NSF: variants seen among roughly 807,000 people sequenced by gnomAD.
NSF encodes N-ethylmaleimide sensitive factor, vesicle fusing ATPase.
NSF carries 14 observed loss-of-function variants against 50.3 expected under a neutral mutation model. The ratio of observed to expected loss-of-function variants is 0.28; its 90% CI spans 0.18 to 0.44. The LOEUF is 0.44. NSF is among the 20% of genes least tolerant of loss of function. The probability of loss-of-function intolerance (pLI) is 1.00; values close to 1 mark genes in which losing one functional copy is unlikely to be tolerated. For synonymous variants in NSF, 109 were observed against 175.7 expected (o/e 0.62, Z 3.00); for missense variants, 218 against 504.3 (o/e 0.43, Z 5.44).
intron 15 of NSF, among the ~76,000 whole-genome samples, chr17:46,725,761 G>A (rs1012036557): frequency 1.2e-4 from 19 of 152,072 alleles, no homozygotes; most frequent in African/African-American, 4.3e-4. Flanking sequence ...CAGAGAGAGT[G>A]GGCTGGGATG....
At chr17:46,727,752 A>G (rs1362073972) in intron 16 of NSF, among the ~76,000 whole-genome samples, 2 of 152,146 alleles carry the variant, frequency 1.3e-5, no homozygotes, top group Non-Finnish European at 2.9e-5. Context: ...TCTTAACACA[A>G]TTGAGGTGTG....
intron 13 of NSF, among the ~76,000 whole-genome samples, chr17:46,708,491 C>CTT (rs140361958): frequency 6.4e-4 from 80 of 124,846 alleles, no homozygotes; most frequent in Non-Finnish European, 8.1e-4. Context: ...GTTACATATC[C>CTT]TTTTTTTTTT....
intron 9 of NSF, among the ~76,000 whole-genome samples, chr17:46,692,645 ACACT>A (rs1430792339): frequency 1.9e-5 from 2 of 105,070 alleles, no homozygotes. Context: ...CTATACACAC[ACACT>A]ATCAGTATAT....
At chr17:46,738,277 A>G (rs1444711668) in intron 17 of NSF, among the ~76,000 whole-genome samples, 1 of 152,148 alleles carries the variant, frequency 6.6e-6, no homozygotes, top group South Asian at 2.1e-4. Context: ...TGAGAATTTG[A>G]GGATATGTTC....
At chr17:46,687,486 C>T (rs2146220890) in intron 9 of NSF, among the ~76,000 whole-genome samples, 1 of 145,748 alleles carries the variant, frequency 6.9e-6, no homozygotes, top group African/African-American at 2.5e-5. Flanking sequence ...CACTGTCAGT[C>T]TTCCACCCTA....
intron 13 of NSF, among the ~76,000 whole-genome samples, chr17:46,707,983 A>G (rs926298187): frequency 2.0e-5 from 3 of 150,508 alleles, no homozygotes; most frequent in Non-Finnish European, 4.4e-5. Context: ...CAGTGAGCCG[A>G]GATTGTGCCA....
chr17:46,602,606 G>C (rs2057924135), intron 1 of NSF: 1 of 55,874 alleles, frequency 1.8e-5, no homozygotes, highest in Non-Finnish European at 3.2e-5. Flanking sequence ...GCATTGGTGG[G>C]TTTTTAAAAA....
At position 46,755,854 on chromosome 17, in the gene NSF, A is replaced by G; in HGVS notation, c.*31A>G. 2.5e-6 allele frequency: 4 copies of G among 1,608,804 alleles called. No homozygotes were observed. Among genetic ancestry groups the G allele is most frequent in the Non-Finnish European group, 3.4e-6 (4 of 1,177,390 alleles). On this transcript the variant is annotated 3_prime_UTR_variant, in exon 21 of 21. Transcript: ENST00000398238. Reference sequence around the variant, plus strand: ...AACTATTTGAAACACACAGTGACCAAGGGAAGTGACCAAGGTGAAGATGGC... The same window carrying G: ...AACTATTTGAAACACACAGTGACCAGGGGAAGTGACCAAGGTGAAGATGGC...
chr17:46,678,567 G>A (rs1263039634), intron 9 of NSF, among the ~76,000 whole-genome samples: 3 of 145,648 alleles, frequency 2.1e-5, no homozygotes, highest in Non-Finnish European at 1.5e-5. Flanking sequence ...AAGAGAAAGA[G>A]GATGAATCAA....
chr17:46,706,860 A>AT (rs1235391692), intron 13 of NSF, among the ~76,000 whole-genome samples: 1 of 138,432 alleles, frequency 7.2e-6, no homozygotes, highest in African/African-American at 2.7e-5. Context: ...TTATTTATTT[A>AT]TTTTTTTTGA....
chr17:46,707,169 A>G (rs1367594377), intron 13 of NSF, among the ~76,000 whole-genome samples: 2 of 152,026 alleles, frequency 1.3e-5, no homozygotes, highest in Non-Finnish European at 2.9e-5. Context: ...AATTTTTGCC[A>G]TTCAGTTAGG....
chr17:46,737,908 ATAT>A (rs138655503), intron 17 of NSF, among the ~76,000 whole-genome samples: 4,841 of 145,808 alleles, frequency 0.033, 263 homozygotes, highest in African/African-American at 0.11. Flanking sequence ...TAAAATTAGC[ATAT>A]TATTATTATT....
At chr17:46,703,664 G>C (rs199440) in intron 12 of NSF, among the ~76,000 whole-genome samples, 17,177 of 121,756 alleles carry the variant, frequency 0.14, 236 homozygotes, top group Middle Eastern at 0.25. Flanking sequence ...CTGGGGGACA[G>C]AGTGAGACTC....
chr17:46,708,293 A>G (rs2058676532), intron 13 of NSF, among the ~76,000 whole-genome samples: 1 of 152,082 alleles, frequency 6.6e-6, no homozygotes, highest in South Asian at 2.1e-4. Flanking sequence ...TGGCTGCACC[A>G]TTTTACATTC....
chr17:46,676,112 G>A (rs2058402527), intron 9 of NSF, among the ~76,000 whole-genome samples: 1 of 134,858 alleles, frequency 7.4e-6, no homozygotes, highest in Admixed American at 7.9e-5. Flanking sequence ...CAAAGGGGTT[G>A]TGTCTATGAA....
chr17:46,747,447 ATT>A (rs2059141893), intron 17 of NSF, among the ~76,000 whole-genome samples: 1 of 151,922 alleles, frequency 6.6e-6, no homozygotes, highest in Non-Finnish European at 1.5e-5. Flanking sequence ...CACCCGGCTA[ATT>A]TTGGTATTTT....
At chr17:46,710,829 T>C in intron 13 of NSF, 134 bp from the exon 14 acceptor site, 1 of 747,608 alleles carries the variant, frequency 1.3e-6, no homozygotes, top group Non-Finnish European at 2.0e-6. Flanking sequence ...CAAGTTGTTT[T>C]GCTTTCCAGG....
At chr17:46,743,010 G>A (rs2059091499) in intron 17 of NSF, among the ~76,000 whole-genome samples, 1 of 152,168 alleles carries the variant, frequency 6.6e-6, no homozygotes, top group African/African-American at 2.4e-5. Flanking sequence ...CTCCTCAGAA[G>A]TTGCTGCCTC....
intron 15 of NSF, among the ~76,000 whole-genome samples, chr17:46,715,572 A>C (rs2058760249): frequency 6.6e-6 from 1 of 152,208 alleles, no homozygotes; most frequent in African/African-American, 2.4e-5. Context: ...CTTCTACCTC[A>C]GATGTACTCT....
Sources: gnomAD v4.1 joint callset for allele counts (sites outside exome capture counted in the v4.1 genomes callset) on GRCh38, gnomAD v4.1.1 for gene constraint, MANE v1.5 for transcripts, NCBI Gene and HGNC (gene_info 2026-07-23, HGNC 2026-07-21) for gene names.